The following IGFL2 variants were observed in gnomAD, a reference collection of about 807,000 sequenced individuals.
The protein encoded by IGFL2 is IGF like family member 2, also known as insulin growth factor-like family member 2.
A neutral mutation model predicts 13.9 loss-of-function variants in IGFL2; 7 were observed. The observed-to-expected ratio is 0.51, with a 90% CI of 0.29 to 0.95. IGFL2 has a LOEUF of 0.95. Ranked by LOEUF, IGFL2 falls within the 40% of genes least tolerant of loss-of-function variation. IGFL2 has a pLI of 0.08. For missense variants in IGFL2, 138 were observed against 147.8 expected (o/e 0.93, Z 0.34); for synonymous variants, 55 against 55.8 (o/e 0.99, Z 0.07).
chr19:46,102,708 A>G, the IGFL2 span, among the ~76,000 whole-genome samples: 23 of 152,180 alleles, frequency 1.5e-4, no homozygotes, highest in African/African-American at 5.6e-4. Context: ...GTATATGTGC[A>G]GGTCACAGGG....
At chr19:46,127,982 G>A in the IGFL2 span, among the ~76,000 whole-genome samples, 1 of 151,912 alleles carries the variant, frequency 6.6e-6, no homozygotes, top group Non-Finnish European at 1.5e-5. Context: ...CCACTTTTTT[G>A]TGTCATCTCT....
At chr19:46,084,072 T>C in the IGFL2 span, among the ~76,000 whole-genome samples, 1 of 152,228 alleles carries the variant, frequency 6.6e-6, no homozygotes, top group Non-Finnish European at 1.5e-5. Flanking sequence ...AGGAACATGT[T>C]GTTTAATTCC....
the IGFL2 span, among the ~76,000 whole-genome samples, chr19:46,125,611 A>T: frequency 6.6e-6 from 1 of 152,246 alleles, no homozygotes; most frequent in South Asian, 2.1e-4. Context: ...CATAGGGAAG[A>T]GTTGCTGACT....
the IGFL2 span, chr19:46,189,082 C>A: frequency 6.3e-6 from 1 of 159,692 alleles, no homozygotes; most frequent in South Asian, 1.8e-4. Flanking sequence ...ACACAGTGAC[C>A]AGTAGTGGCC....
At chr19:46,160,013 A>G in intron 1 of IGFL2, 1 of 232,610 alleles carries the variant, frequency 4.3e-6, no homozygotes, top group Admixed American at 5.1e-5. Flanking sequence ...CTCAAGCCCA[A>G]TCCTATCTCC....
In IGFL2 at chr19:46,156,762, C is replaced by CAAG. The variant is rs568719469; in HGVS notation, c.20-3649_20-3647dup. Among the ~76,000 whole-genome samples, 127 of 151,592 alleles carry CAAG rather than the reference C, an allele frequency of 8.4e-4. 2 individuals are homozygous for CAAG. In the Middle Eastern group the frequency reaches 0.017, roughly 20 times the overall value. On this transcript the variant is annotated intron_variant, in intron 1 of 3. Coordinates refer to ENST00000377693, the MANE Select transcript of IGFL2 (RefSeq NM_001135113.2). ...ATAAAAGAGCAAAATAAACCCAAAG[C>CAAG]AAGAAGGAAGGAAATAATAAAGAGG...
At chr19:46,144,102 C>A (rs960300878), upstream of IGFL2, among the ~76,000 whole-genome samples, 1 of 152,220 alleles carries the variant, frequency 6.6e-6, no homozygotes, top group African/African-American at 2.4e-5. Flanking sequence ...AAGAGTCAGG[C>A]TTTGCAAAAC....
chr19:46,199,268 G>A, the IGFL2 span, among the ~76,000 whole-genome samples: 1 of 152,228 alleles, frequency 6.6e-6, no homozygotes, highest in African/African-American at 2.4e-5. Context: ...ACAAATGTCT[G>A]TCTGAGGTCA....
chr19:46,108,238 A>G, the IGFL2 span, among the ~76,000 whole-genome samples: 26 of 152,198 alleles, frequency 1.7e-4, 1 homozygote, highest in African/African-American at 4.8e-4. Context: ...TCAGGAGAGA[A>G]AGAAGGATTT....
At chr19:46,125,206 A>G in the IGFL2 span, among the ~76,000 whole-genome samples, 9 of 152,220 alleles carry the variant, frequency 5.9e-5, no homozygotes, top group Non-Finnish European at 1.2e-4. Context: ...CAGTTGAGCC[A>G]CGGCTCTGGA....
chr19:46,204,262 GC>G, the IGFL2 span: 1 of 152,288 alleles, frequency 6.6e-6, no homozygotes, highest in Non-Finnish European at 1.5e-5. Context: ...CCTGAGGCCA[GC>G]CCCCGGGTGC....
the IGFL2 span, among the ~76,000 whole-genome samples, chr19:46,120,568 C>A: frequency 1.3e-5 from 2 of 150,592 alleles, no homozygotes; most frequent in Admixed American, 6.6e-5. Flanking sequence ...AGCAACAGAT[C>A]CCAATAACAA....
At chr19:46,182,224 G>A in the IGFL2 span, among the ~76,000 whole-genome samples, 1 of 151,820 alleles carries the variant, frequency 6.6e-6, no homozygotes, top group Non-Finnish European at 1.5e-5. Flanking sequence ...AAAATTAGCC[G>A]GGCTTGGTGG....
chr19:46,103,844 A>G, the IGFL2 span, among the ~76,000 whole-genome samples: 2 of 152,042 alleles, frequency 1.3e-5, no homozygotes. Flanking sequence ...AGTTTAAGGG[A>G]AGTAGGGTTG....
the IGFL2 span, among the ~76,000 whole-genome samples, chr19:46,132,843 T>C: frequency 6.6e-6 from 1 of 152,112 alleles, no homozygotes; most frequent in Non-Finnish European, 1.5e-5. Context: ...GTACACTCTG[T>C]CCCACTGCCT....
the IGFL2 span, among the ~76,000 whole-genome samples, chr19:46,129,305 TTTTGTG>T: frequency 1.5e-4 from 19 of 128,414 alleles, no homozygotes; most frequent in African/African-American, 4.7e-4. Context: ...TTTGTTGATC[TTTTGTG>T]TGTGTGTGTG....
chr19:46,128,276 A>G, the IGFL2 span, among the ~76,000 whole-genome samples: 5 of 152,212 alleles, frequency 3.3e-5, no homozygotes, highest in African/African-American at 9.6e-5. Flanking sequence ...ATACAGGATC[A>G]TGTCATCTGC....
At chr19:46,165,696 C>G (rs180772730), downstream of IGFL2, among the ~76,000 whole-genome samples, 2 of 152,208 alleles carry the variant, frequency 1.3e-5, no homozygotes, top group Non-Finnish European at 2.9e-5. Flanking sequence ...TGGCTTGTCA[C>G]GAGGCAATGC....
the IGFL2 span, among the ~76,000 whole-genome samples, chr19:46,115,767 C>G: frequency 6.6e-6 from 1 of 152,166 alleles, no homozygotes; most frequent in African/African-American, 2.4e-5. Flanking sequence ...TTTCAAGCTT[C>G]AAGAAGGGAA....
Sources: gnomAD v4.1 joint callset for allele counts (sites outside exome capture counted in the v4.1 genomes callset) on GRCh38, gnomAD v4.1.1 for gene constraint, MANE v1.5 for transcripts, NCBI Gene and HGNC (gene_info 2026-07-23, HGNC 2026-07-21) for gene names.